Variants in ASXL3 observed in about 807,000 individuals in gnomAD.
The protein encoded by ASXL3 is ASXL transcriptional regulator 3.
In ASXL3, 34 loss-of-function variants were observed where a neutral mutation model predicts 170.6. The observed-to-expected ratio is 0.20, with a 90% CI of 0.15 to 0.27. The LOEUF (loss-of-function observed/expected upper bound fraction) is 0.27. Among genes scored for constraint, ASXL3 ranks in the 10% least tolerant of loss-of-function variants. The pLI is 1.00. For synonymous variants in ASXL3, 1,002 were observed against 989.1 expected, an observed-to-expected ratio of 1.01 and a Z score of -0.24; for missense variants, 2,592 against 2,695.3, an observed-to-expected ratio of 0.96 and a Z score of 0.85.
intron 10 of ASXL3, 54 bp downstream of exon 10, chr18:33,734,469 T>C: frequency 8.2e-7 from 1 of 1,223,988 alleles, no homozygotes; most frequent in Non-Finnish European, 1.2e-6. Context: ...GAAAATGTAA[T>C]TCTCTGCTTC....
intron 8 of ASXL3, among the ~76,000 whole-genome samples, chr18:33,712,143 T>C (rs941647924): frequency 6.6e-6 from 1 of 152,216 alleles, no homozygotes; most frequent in Non-Finnish European, 1.5e-5. Context: ...AAAAATTCTT[T>C]TGTATTTGTT....
Position 33,579,857 on chromosome 18 carries a change from T to A in ASXL3, c.54+1172T>A, listed in dbSNP as rs189615726. Among the ~76,000 whole-genome samples, 9 of 152,326 alleles carry A rather than the reference T, an allele frequency of 5.9e-5. No individual in the cohort carries two copies. The East Asian group carries it at 1.7e-3, about 29-fold the overall frequency. ...GAGCAGGACGTGTTATTGGGTTGAC[T>A]TTGTAAAGATTGTTTTACTGTAACT... On this transcript the variant is annotated intron_variant, in intron 1 of 11. Coordinates refer to ENST00000269197, the MANE Select transcript of ASXL3 (RefSeq NM_030632.3).
chr18:33,613,267 C>T (rs141772656), intron 2 of ASXL3, among the ~76,000 whole-genome samples: 2 of 152,176 alleles, frequency 1.3e-5, no homozygotes, highest in Admixed American at 6.6e-5. Context: ...TTTCTGTGTA[C>T]CATACTTTTT....
chr18:33,743,919 T>G lies in ASXL3; in HGVS notation c.4071T>G (p.Ser1357=). The G allele has an allele frequency of 6.2e-7, 1 of 1,614,026 alleles. No homozygotes were observed. The highest frequency in any genetic ancestry group is 8.5e-7 in the Non-Finnish European group (1 of 1,179,900). The change falls in exon 12 of 12, where the codon TCT becomes TCG. Residue 1357 remains serine, a synonymous_variant. Coordinates refer to ENST00000269197, the MANE Select transcript of ASXL3 (RefSeq NM_030632.3). ...ATTTGCCAAACCTCTCCACTAGCTC[T>G]GTCTTGATTCCCCCAATGGGAATTA... ...GNNLPNLSTS[S]VLIPPMGINN...
At chr18:33,667,003 G>A (rs1220679966) in intron 5 of ASXL3, among the ~76,000 whole-genome samples, 2 of 152,142 alleles carry the variant, frequency 1.3e-5, no homozygotes, top group African/African-American at 4.8e-5. Flanking sequence ...TGCCTACTTA[G>A]GTGAGAGGAG....
chr18:33,652,518 T>G (rs193204175), intron 4 of ASXL3, among the ~76,000 whole-genome samples: 95 of 149,568 alleles, frequency 6.4e-4, no homozygotes, highest in African/African-American at 2.2e-3. Context: ...CAAAAAAGGT[T>G]CTGCTTGCTA....
chr18:33,736,116 C>A (rs7231638), intron 10 of ASXL3, among the ~76,000 whole-genome samples: 5,572 of 152,156 alleles, frequency 0.037, 356 homozygotes, highest in African/African-American at 0.13. Context: ...GGTTTATAAC[C>A]GTGAGGTTAT....
At chr18:33,613,837 ATCAC>A (rs2065376619) in intron 2 of ASXL3, among the ~76,000 whole-genome samples, 1 of 152,104 alleles carries the variant, frequency 6.6e-6, no homozygotes, top group Admixed American at 6.6e-5. Flanking sequence ...AAGCAGGAGG[ATCAC>A]TTGAGCCGAT....
In ASXL3 at chr18:33,750,894, T is replaced by TA. The variant is rs1013079863; in HGVS notation, c.*4300dup. The TA allele has an allele frequency of 2.0e-5, 3 of 152,226 alleles. No individual in the cohort carries two copies. The highest frequency in any genetic ancestry group is 4.8e-5 in the African/African-American group (2 of 41,476). 9.4% of individuals were successfully genotyped at this position (152,226 alleles called of 1,614,324 possible). The stretch of plus-strand genomic sequence containing the variant: ...TAAGACTGCGACAATTTAATACTGT[T>TA]ACGCTTGCTTTGATACCTGACTAAA... On this transcript the variant is annotated 3_prime_UTR_variant, in exon 12 of 12. Transcript: ENST00000269197.
At chr18:33,703,460 A>G (rs189239647) in intron 8 of ASXL3, among the ~76,000 whole-genome samples, 15 of 152,286 alleles carry the variant, frequency 9.8e-5, no homozygotes, top group Middle Eastern at 6.8e-3. Flanking sequence ...CCTGTCACTC[A>G]TGCGGTGGAG....
intron 4 of ASXL3, among the ~76,000 whole-genome samples, chr18:33,649,321 C>T (rs2065962084): frequency 6.6e-6 from 1 of 151,984 alleles, no homozygotes; most frequent in South Asian, 2.1e-4. Context: ...GAGGGTGTTT[C>T]AGTAGAAGTG....
intron 8 of ASXL3, among the ~76,000 whole-genome samples, chr18:33,684,647 A>G (rs1005540903): frequency 3.3e-5 from 5 of 152,108 alleles, no homozygotes; most frequent in Admixed American, 3.3e-4. Context: ...TGAATATGAT[A>G]TATTCTGGGT....
intron 8 of ASXL3, among the ~76,000 whole-genome samples, chr18:33,697,346 T>A (rs1599507940): frequency 6.6e-6 from 1 of 152,130 alleles, no homozygotes; most frequent in African/African-American, 2.4e-5. Flanking sequence ...CCTGCCTTCA[T>A]TGAGCTTATA....
At chr18:33,707,193 T>C (rs972690751) in intron 8 of ASXL3, among the ~76,000 whole-genome samples, 4 of 151,946 alleles carry the variant, frequency 2.6e-5, no homozygotes, top group African/African-American at 9.7e-5. Flanking sequence ...GTTCTTTTTC[T>C]TTGATTAGAA....
At chr18:33,648,858 G>A (rs1295860810) in intron 4 of ASXL3, among the ~76,000 whole-genome samples, 1 of 152,080 alleles carries the variant, frequency 6.6e-6, no homozygotes, top group Non-Finnish European at 1.5e-5. Flanking sequence ...ACTCAAATGT[G>A]TCAATGCTTT....
At chr18:33,692,362 T>C (rs2066700326) in intron 8 of ASXL3, among the ~76,000 whole-genome samples, 1 of 152,164 alleles carries the variant, frequency 6.6e-6, no homozygotes. Flanking sequence ...TCCACCTTGC[T>C]GGGAGTTAGC....
chr18:33,605,829 C>A (rs1297278052), intron 1 of ASXL3, among the ~76,000 whole-genome samples: 1 of 151,800 alleles, frequency 6.6e-6, no homozygotes, highest in Non-Finnish European at 1.5e-5. Context: ...CCTCTTTCCC[C>A]ATCGTATGCC....
intron 8 of ASXL3, among the ~76,000 whole-genome samples, chr18:33,712,373 A>G (rs1599528942): frequency 6.6e-6 from 1 of 152,222 alleles, no homozygotes. Context: ...TGACACACTT[A>G]TAAATAGATT....
At chr18:33,706,138 G>A (rs969072725) in intron 8 of ASXL3, among the ~76,000 whole-genome samples, 2 of 148,202 alleles carry the variant, frequency 1.3e-5, no homozygotes, top group African/African-American at 5.0e-5. Context: ...AGTACTTTTA[G>A]TAGCTGTACT....
Sources: gnomAD v4.1 joint callset for allele counts (sites outside exome capture counted in the v4.1 genomes callset) on GRCh38, gnomAD v4.1.1 for gene constraint, MANE v1.5 for transcripts, NCBI Gene and HGNC (gene_info 2026-07-23, HGNC 2026-07-21) for gene names.